RIMBP2: variants seen among roughly 807,000 people sequenced by gnomAD.
RIMBP2 encodes the protein RIMS binding protein 2.
A neutral mutation model predicts 118.6 loss-of-function variants in RIMBP2; 48 were observed. That is an observed-to-expected ratio of 0.40 (90% CI 0.32 to 0.51). The LOEUF is 0.51. Ranked by LOEUF, RIMBP2 falls within the 20% of genes least tolerant of loss-of-function variation. The probability of loss-of-function intolerance (pLI) is 0.41; values close to 1 mark genes in which losing one functional copy is unlikely to be tolerated. For missense variants in RIMBP2, 1,551 were observed against 1,768.3 expected (o/e 0.88, Z 2.20); for synonymous variants, 762 against 742.9 (o/e 1.03, Z -0.42).
intron 2 of RIMBP2, among the ~76,000 whole-genome samples, chr12:130,557,268 C>G (rs369011150): frequency 9.4e-4 from 143 of 152,214 alleles, no homozygotes; most frequent in African/African-American, 3.0e-3. Flanking sequence ...TGGAGCCCCC[C>G]ACAGCCTCAG....
chr12:130,698,125 G>A (rs2065662683), intron 1 of RIMBP2, among the ~76,000 whole-genome samples: 1 of 152,138 alleles, frequency 6.6e-6, no homozygotes, highest in African/African-American at 2.4e-5. Flanking sequence ...GAAGGACAGG[G>A]AAGGTGGGAG....
intron 1 of RIMBP2, among the ~76,000 whole-genome samples, chr12:130,662,321 C>A (rs892823674): frequency 6.6e-6 from 1 of 152,124 alleles, no homozygotes; most frequent in African/African-American, 2.4e-5. Flanking sequence ...GCTTATGTTT[C>A]CTAGGCCAGC....
At chr12:130,714,674 TC>T (rs1214954793) in intron 1 of RIMBP2, among the ~76,000 whole-genome samples, 1 of 152,072 alleles carries the variant, frequency 6.6e-6, no homozygotes, top group Non-Finnish European at 1.5e-5. Flanking sequence ...GGCACAGCCC[TC>T]GACCCCAGGC....
At chr12:130,676,334 A>C (rs1275890707) in intron 1 of RIMBP2, among the ~76,000 whole-genome samples, 1 of 151,942 alleles carries the variant, frequency 6.6e-6, no homozygotes, top group African/African-American at 2.4e-5. Flanking sequence ...AAAAAAAAAA[A>C]AAAACGGGGG....
intron 2 of RIMBP2, among the ~76,000 whole-genome samples, chr12:130,571,834 C>G (rs1249503668): frequency 6.6e-6 from 1 of 152,162 alleles, no homozygotes; most frequent in Non-Finnish European, 1.5e-5. Flanking sequence ...CTGCCCCACA[C>G]TGGCCTCCCT....
At chr12:130,400,281 C>T (rs1189846967) in intron 21 of RIMBP2, among the ~76,000 whole-genome samples, 2 of 152,222 alleles carry the variant, frequency 1.3e-5, no homozygotes, top group Admixed American at 6.5e-5. Context: ...CTGGTCTACT[C>T]AGCCTTAAGA....
Position 130,424,434 on chromosome 12 carries a change from C to T in RIMBP2, c.2837G>A (p.Gly946Asp). The change falls in exon 16 of 23, where the codon GGT (glycine) becomes GAT (aspartate). Residue 946 changes from glycine (G) to aspartate (D), a missense_variant. Physicochemically the swap from Gly to Asp is moderately conservative, Grantham distance 94. Transcript: ENST00000690449. The surrounding 1 kb of genome is among the most constrained non-coding windows in gnomAD (Gnocchi z 9.8). Reference sequence around the variant, plus strand: ...CGGGCCCCTCCTGCAGGGACAGTGACCAGGGCCTGGGCTGCACGCGGCCAC... The same window carrying T: ...CGGGCCCCTCCTGCAGGGACAGTGATCAGGGCCTGGGCTGCACGCGGCCAC... ...NTVAACSPGP[G>D]HCPCRRGPRP... The T allele has an allele frequency of 8.1e-7, 1 of 1,232,696 alleles. No individual in the cohort carries two copies. The highest frequency in any genetic ancestry group is 3.2e-5 in the East Asian group (1 of 31,704). The allele number at this position is 1,232,696 out of a possible 1,614,324, so 76.4% of individuals were successfully genotyped here. A position where few individuals can be genotyped will look rare whatever the true frequency, so the allele number is the denominator to read the frequency against.
rs34775409 is a variant in RIMBP2 at position 130,423,691 on chromosome 12, C to CTT, written c.3129+449_3129+450dup. Among the ~76,000 whole-genome samples, 58 of 99,040 alleles carry CTT rather than the reference C, an allele frequency of 5.9e-4. 1 individual carries two copies. The highest frequency in any genetic ancestry group is 1.4e-3 in the South Asian group (4 of 2,892). 65.0% of individuals were successfully genotyped at this position (99,040 alleles called of 152,430 possible). A position where few individuals can be genotyped will look rare whatever the true frequency, so the allele number is the denominator to read the frequency against. ...AAAAAAAAAAATAGATTTCTTCAAT[C>CTT]TTTTTTTTTTTTTTTGGTTATAAAT... On this transcript the variant is annotated intron_variant, in intron 16 of 22. Transcript: ENST00000690449.
chr12:130,436,999 G>A lies in RIMBP2; in HGVS notation c.1949C>T (p.Pro650Leu). Reference protein sequence around the residue: ...EAWEQSRAPGPVHGHMLEPPV... With the variant: ...EAWEQSRAPGLVHGHMLEPPV... ...CGGCTCCAGCATGTGCCCATGCACA[G>A]GGCCAGGTGCACGGCTCTGCTCCCA... Residue 650 changes from proline (P) to leucine (L), a missense_variant, in exon 13 of 23, where the codon CCT becomes CTT. Around this residue, in one of 5 missense-constraint regions of RIMBP2, gnomAD observed 1,038 missense variants for 1,125.1 expected, o/e 0.92. Coordinates refer to ENST00000690449, the MANE Select transcript of RIMBP2 (RefSeq NM_001393629.1). The A allele has an allele frequency of 6.2e-7, 1 of 1,606,742 alleles. No individual in the cohort carries two copies. Among genetic ancestry groups the A allele is most frequent in the Non-Finnish European group, 8.5e-7 (1 of 1,176,186 alleles).
At chr12:130,689,117 C>T (rs2065201327) in intron 1 of RIMBP2, among the ~76,000 whole-genome samples, 1 of 152,202 alleles carries the variant, frequency 6.6e-6, no homozygotes. Flanking sequence ...CCACCCACAC[C>T]CCTCCATGCC....
intron 1 of RIMBP2, among the ~76,000 whole-genome samples, chr12:130,672,755 CG>C: frequency 6.6e-6 from 1 of 152,180 alleles, no homozygotes; most frequent in East Asian, 1.9e-4. Flanking sequence ...GAATGGGTGT[CG>C]CCGGAGCCTC....
At chr12:130,485,740 C>T (rs988708429) in intron 4 of RIMBP2, among the ~76,000 whole-genome samples, 11 of 152,152 alleles carry the variant, frequency 7.2e-5, no homozygotes, top group African/African-American at 2.7e-4. Flanking sequence ...CAGCTCCGGG[C>T]GTGGTCCTGC....
chr12:130,711,748 G>T (rs922152819), intron 1 of RIMBP2, among the ~76,000 whole-genome samples: 2 of 152,236 alleles, frequency 1.3e-5, no homozygotes, highest in African/African-American at 4.8e-5. Flanking sequence ...AGTGTGACTG[G>T]CTTGTTCAAA....
chr12:130,450,122 C>T lies in RIMBP2; in HGVS notation c.581+78G>A. 1.1e-6 allele frequency: 1 copy of T among 932,516 alleles called. No individual in the cohort carries two copies. Among genetic ancestry groups the T allele is most frequent in the Non-Finnish European group, 1.7e-6 (1 of 589,096 alleles). 57.8% of individuals were successfully genotyped at this position (932,516 alleles called of 1,614,324 possible). On this transcript the variant is annotated intron_variant, in intron 9 of 22. Coordinates refer to ENST00000690449, the MANE Select transcript of RIMBP2 (RefSeq NM_001393629.1). This position sits in a 1 kb window ranked among gnomAD's most constrained non-coding sequence, Gnocchi z 4.8. ...CCCTGGGAGAAGGGAACTTCTCAGA[C>T]CCCAGAGTGTTCCCAGACCCAACAT...
At chr12:130,463,593 C>G (rs77776530) in intron 6 of RIMBP2, among the ~76,000 whole-genome samples, 1 of 152,022 alleles carries the variant, frequency 6.6e-6, no homozygotes, top group Non-Finnish European at 1.5e-5. Context: ...GGCATCCAAA[C>G]GGGGTGGTTC....
chr12:130,539,027 T>C (rs2054326901), intron 2 of RIMBP2, among the ~76,000 whole-genome samples: 1 of 152,212 alleles, frequency 6.6e-6, no homozygotes, highest in Non-Finnish European at 1.5e-5. Context: ...CTTCAGTGGC[T>C]TTCTAGACCA....
chr12:130,527,405 C>T (rs916580163), intron 2 of RIMBP2, among the ~76,000 whole-genome samples: 6 of 152,308 alleles, frequency 3.9e-5, no homozygotes, highest in Admixed American at 6.5e-5. Flanking sequence ...TCAACCATGA[C>T]TGATACATGC....
At chr12:130,595,529 G>A (rs897419479) in intron 2 of RIMBP2, among the ~76,000 whole-genome samples, 5 of 151,990 alleles carry the variant, frequency 3.3e-5, no homozygotes, top group Non-Finnish European at 5.9e-5. Context: ...CAGCCTGGGC[G>A]ACAGCGCAAG....
intron 2 of RIMBP2, among the ~76,000 whole-genome samples, chr12:130,552,546 G>C (rs1339458752): frequency 6.6e-6 from 1 of 152,136 alleles, no homozygotes; most frequent in Non-Finnish European, 1.5e-5. Context: ...ACTAAAATAT[G>C]ACATCTTAAA....
Sources: gnomAD v4.1 joint callset for allele counts (sites outside exome capture counted in the v4.1 genomes callset) on GRCh38, gnomAD v4.1.1 for gene constraint, gnomAD v4.1.1 regional missense constraint, Gnocchi (gnomAD v3.1) non-coding constraint, MANE v1.5 for transcripts, NCBI Gene and HGNC (gene_info 2026-07-23, HGNC 2026-07-21) for gene names.